Variants in MYO16 observed in about 807,000 individuals in gnomAD.
MYO16 encodes myosin XVI, also known as unconventional myosin-XVI.
A neutral mutation model predicts 205.3 loss-of-function variants in MYO16; 94 were observed. That is an observed-to-expected ratio of 0.46 (90% CI 0.39 to 0.54). The LOEUF (loss-of-function observed/expected upper bound fraction) is 0.54. Ranked by LOEUF, MYO16 falls within the 20% of genes least tolerant of loss-of-function variation. The pLI, the probability that MYO16 is intolerant of heterozygous loss-of-function variation, is 0.00. For missense variants in MYO16, 2,315 were observed against 2,387.5 expected (o/e 0.97, Z 0.63); for synonymous variants, 988 against 954.0 (o/e 1.04, Z -0.66).
chr13:108,953,301 G>A lies in MYO16; in HGVS notation c.1926-4387G>A, dbSNP rs184885496. 1.7e-3 allele frequency among the ~76,000 whole-genome samples: 264 copies of A among 152,158 alleles called. 3 individuals are homozygous for A. Among genetic ancestry groups the A allele is most frequent in the East Asian group, 0.013 (69 of 5,174 alleles). Reference sequence around the variant, plus strand: ...ATTTTTCAAAATGTTTATTTTACTCGGCACAGTTATTTATTTGATTAAGAG... The same window carrying A: ...ATTTTTCAAAATGTTTATTTTACTCAGCACAGTTATTTATTTGATTAAGAG... On this transcript the variant is annotated intron_variant, in intron 16 of 34. Coordinates refer to ENST00000457511, the MANE Select transcript of MYO16 (RefSeq NM_001198950.3).
chr13:108,629,190 T>C (rs1247770953), upstream of MYO16: 1 of 152,202 alleles, frequency 6.6e-6, no homozygotes, highest in Non-Finnish European at 1.5e-5. Flanking sequence ...AAGATGTGTT[T>C]TGAAATATAA....
intron 19 of MYO16, among the ~76,000 whole-genome samples, chr13:108,963,966 C>A (rs1407395091): frequency 1.3e-5 from 2 of 152,214 alleles, no homozygotes; most frequent in African/African-American, 4.8e-5. Flanking sequence ...TCTCTGACTA[C>A]ATTTTCCGCC....
intron 27 of MYO16, among the ~76,000 whole-genome samples, chr13:109,068,731 A>G (rs1887834332): frequency 2.0e-5 from 3 of 152,102 alleles, no homozygotes; most frequent in African/African-American, 7.2e-5. Flanking sequence ...AGCCGGGATT[A>G]CAGGCATGTG....
chr13:108,550,387 G>A, the MYO16 span, among the ~76,000 whole-genome samples: 9 of 152,338 alleles, frequency 5.9e-5, no homozygotes, highest in Admixed American at 5.2e-4. Flanking sequence ...CAGAAACTGA[G>A]CCTCCAAGTA....
intron 12 of MYO16, among the ~76,000 whole-genome samples, chr13:108,872,013 T>C (rs1398152846): frequency 6.6e-6 from 1 of 152,240 alleles, no homozygotes; most frequent in Non-Finnish European, 1.5e-5. Context: ...TTTTATTGCA[T>C]TGGTGTCAGA....
rs961212887 is a variant in MYO16, at chr13:109,055,688, C to A, written c.3335+93C>A. 4.3e-6 allele frequency: 5 copies of A among 1,162,888 alleles called. No homozygotes were observed. The African/African-American group carries it at 6.2e-5, about 14-fold the overall frequency. 72.0% of individuals were successfully genotyped at this position (1,162,888 alleles called of 1,614,324 possible). On this transcript the variant is annotated intron_variant, in intron 27 of 34. Transcript: ENST00000457511. The surrounding 1 kb of genome is among the most constrained non-coding windows in gnomAD (Gnocchi z 5.0). ...TATTGTAGCAAGGGTCTTCTGTTGT[C>A]TTTTTTGGCACTGCTTTTGTTGTTT... is the stretch of plus-strand genomic sequence containing the variant.
rs1380261398 is a variant in MYO16, at chr13:109,162,174, A to G, written c.5165-2727A>G. Among the ~76,000 whole-genome samples, 1 of 152,228 alleles carries G rather than the reference A, an allele frequency of 6.6e-6. No homozygotes were observed. The highest frequency in any genetic ancestry group is 1.5e-5 in the Non-Finnish European group (1 of 68,038). ...GAAATACGTTTAAACTTTAATTGCA[A>G]AAATGAGAATTTTGGCTGCAATTTA... On this transcript the variant is annotated intron_variant, in intron 32 of 34. Transcript: ENST00000457511. The surrounding 1 kb of genome is among the most constrained non-coding windows in gnomAD (Gnocchi z 4.6).
chr13:108,614,626 A>G (rs1023868089), intron 1 of MYO16, among the ~76,000 whole-genome samples: 7 of 152,168 alleles, frequency 4.6e-5, no homozygotes, highest in Admixed American at 2.0e-4. Context: ...AAGGCTGGAT[A>G]TATAAATCAA....
chr13:108,823,844 A>G (rs897684742), intron 9 of MYO16, among the ~76,000 whole-genome samples: 9 of 152,136 alleles, frequency 5.9e-5, no homozygotes, highest in Non-Finnish European at 1.2e-4. Context: ...TTAACTCATA[A>G]GATAATGCTT....
In MYO16 at chr13:109,082,572, T is replaced by A. The variant is rs548236899; in HGVS notation, c.3336-18213T>A. On this transcript the variant is annotated intron_variant, in intron 27 of 34. Coordinates refer to ENST00000457511, the MANE Select transcript of MYO16 (RefSeq NM_001198950.3). ...AAAGCAGGCTAGGTGCAGTGGCTCA[T>A]GCCTTTAATCCCAGCACTTTGGGAG... Among the ~76,000 whole-genome samples, 80 of 152,270 alleles carry A rather than the reference T, an allele frequency of 5.3e-4. 1 individual carries two copies. The highest frequency in any genetic ancestry group is 1.8e-3 in the Admixed American group (27 of 15,282).
chr13:108,710,364 T>C (rs1364266735), intron 2 of MYO16, among the ~76,000 whole-genome samples: 2 of 152,250 alleles, frequency 1.3e-5, no homozygotes. Flanking sequence ...TGATAAATTA[T>C]ACACTCATCC....
chr13:108,558,404 G>C, the MYO16 span, among the ~76,000 whole-genome samples: 1 of 152,182 alleles, frequency 6.6e-6, no homozygotes, highest in Non-Finnish European at 1.5e-5. Context: ...GGTCTGCTTT[G>C]AATCAAAGGG....
At chr13:108,970,692 A>G (rs2139387917) in intron 20 of MYO16, among the ~76,000 whole-genome samples, 1 of 152,302 alleles carries the variant, frequency 6.6e-6, no homozygotes, top group South Asian at 2.1e-4. Context: ...TCAAATCCTC[A>G]TAAATTGTCA....
At chr13:108,756,856 A>G (rs151183023) in intron 4 of MYO16, among the ~76,000 whole-genome samples, 3 of 152,276 alleles carry the variant, frequency 2.0e-5, no homozygotes, top group Non-Finnish European at 2.9e-5. Flanking sequence ...CACGTAATTA[A>G]CCATCATATA....
chr13:108,500,736 A>G, the MYO16 span, among the ~76,000 whole-genome samples: 2 of 152,148 alleles, frequency 1.3e-5, no homozygotes, highest in Admixed American at 6.5e-5. Context: ...GCCCTAATTC[A>G]TCTTCGTGCT....
the MYO16 span, among the ~76,000 whole-genome samples, chr13:108,523,190 G>A: frequency 2.0e-5 from 3 of 152,264 alleles, no homozygotes; most frequent in East Asian, 1.9e-4. Flanking sequence ...TACCAGGGAG[G>A]AGACATCTTG....
chr13:108,803,933 T>G (rs1887038159), intron 6 of MYO16, among the ~76,000 whole-genome samples: 1 of 152,136 alleles, frequency 6.6e-6, no homozygotes, highest in Non-Finnish European at 1.5e-5. Flanking sequence ...AGAAAAAAAT[T>G]ATATTAACAT....
intron 34 of MYO16, among the ~76,000 whole-genome samples, chr13:109,189,086 T>A (rs1353496760): frequency 1.3e-5 from 2 of 150,736 alleles, no homozygotes; most frequent in Admixed American, 1.3e-4. Flanking sequence ...AAGAGCAAAA[T>A]TCTGTCTAAA....
intron 27 of MYO16, among the ~76,000 whole-genome samples, chr13:109,098,333 G>A (rs957536471): frequency 6.6e-6 from 1 of 152,180 alleles, no homozygotes; most frequent in Non-Finnish European, 1.5e-5. Context: ...TATCCCTGTA[G>A]TGTAAAATTC....
Sources: gnomAD v4.1 joint callset for allele counts (sites outside exome capture counted in the v4.1 genomes callset) on GRCh38, gnomAD v4.1.1 for gene constraint, Gnocchi (gnomAD v3.1) non-coding constraint, MANE v1.5 for transcripts, NCBI Gene and HGNC (gene_info 2026-07-23, HGNC 2026-07-21) for gene names.